WASF3: variants seen among roughly 807,000 people sequenced by gnomAD.
WASF3 encodes the protein actin-binding protein WASF3.
A neutral mutation model predicts 46.6 loss-of-function variants in WASF3; 11 were observed. The observed-to-expected ratio is 0.24, with a 90% CI of 0.15 to 0.39. The LOEUF is 0.39. WASF3 is among the 10% of genes least tolerant of loss of function. WASF3 has a pLI of 1.00. For missense variants in WASF3, 576 were observed against 669.8 expected (o/e 0.86, Z 1.55); for synonymous variants, 242 against 259.7 (o/e 0.93, Z 0.65).
the WASF3 span, among the ~76,000 whole-genome samples, chr13:26,546,856 T>C: frequency 6.6e-6 from 1 of 152,224 alleles, no homozygotes; most frequent in Non-Finnish European, 1.5e-5. Context: ...GAAGCCCACA[T>C]TGCAAAGAGG....
At chr13:26,683,098 G>A (rs1454524166) in intron 9 of WASF3, 124 bp downstream of exon 9, 1 of 1,346,058 alleles carries the variant, frequency 7.4e-7, no homozygotes, top group Non-Finnish European at 9.9e-7. Flanking sequence ...AGAGTTAAAG[G>A]GGTCTTACTT....
intron 3 of WASF3, among the ~76,000 whole-genome samples, chr13:26,654,907 C>T (rs1882423631): frequency 4.6e-5 from 7 of 151,958 alleles, no homozygotes; most frequent in Admixed American, 3.9e-4. Flanking sequence ...AACTTTAAGC[C>T]CAATATTATG....
chr13:26,663,578 G>A (rs1882692007), intron 3 of WASF3, among the ~76,000 whole-genome samples: 1 of 152,032 alleles, frequency 6.6e-6, no homozygotes, highest in Admixed American at 6.6e-5. Flanking sequence ...CTCCTTTTTT[G>A]GTGGGGGATG....
At chr13:26,587,544 T>C (rs1258096846) in intron 1 of WASF3, among the ~76,000 whole-genome samples, 2 of 152,240 alleles carry the variant, frequency 1.3e-5, no homozygotes, top group African/African-American at 4.8e-5. Context: ...TGATTGTATC[T>C]TCAGCACAAT....
At chr13:26,634,476 G>A (rs1417421113) in intron 2 of WASF3, among the ~76,000 whole-genome samples, 1 of 152,134 alleles carries the variant, frequency 6.6e-6, no homozygotes, top group Non-Finnish European at 1.5e-5. Context: ...GGGGCATTTA[G>A]CCCATTTACA....
chr13:26,663,923 C>G (rs556562864), intron 3 of WASF3, among the ~76,000 whole-genome samples: 1 of 152,182 alleles, frequency 6.6e-6, no homozygotes, highest in South Asian at 2.1e-4. Context: ...GGACGGATCA[C>G]CTTTCTGATC....
chr13:26,552,459 A>G, the WASF3 span, among the ~76,000 whole-genome samples: 2 of 152,232 alleles, frequency 1.3e-5, no homozygotes, highest in Non-Finnish European at 2.9e-5. Context: ...TTTGAGACGT[A>G]GATATGGATA....
chr13:26,662,415 G>C (rs967788431), intron 3 of WASF3, among the ~76,000 whole-genome samples: 5 of 152,234 alleles, frequency 3.3e-5, no homozygotes, highest in African/African-American at 1.2e-4. Flanking sequence ...GTACCTATCA[G>C]TGGTGGATTG....
At chr13:26,591,425 A>T (rs1211979333) in intron 1 of WASF3, among the ~76,000 whole-genome samples, 1 of 152,048 alleles carries the variant, frequency 6.6e-6, no homozygotes, top group Non-Finnish European at 1.5e-5. Context: ...TGGGGGAAGC[A>T]GTAGGATTTT....
At chr13:26,589,096 G>A (rs1368209026) in intron 1 of WASF3, among the ~76,000 whole-genome samples, 1 of 152,134 alleles carries the variant, frequency 6.6e-6, no homozygotes, top group African/African-American at 2.4e-5. Flanking sequence ...GCCTGGCCCT[G>A]TATTTCTTTA....
intron 1 of WASF3, among the ~76,000 whole-genome samples, chr13:26,607,762 A>T (rs539532142): frequency 6.6e-6 from 1 of 151,912 alleles, no homozygotes; most frequent in African/African-American, 2.4e-5. Flanking sequence ...CAGCCTTCTG[A>T]GTAGGTGGAA....
At chr13:26,622,123 C>G (rs1479175244) in intron 2 of WASF3, among the ~76,000 whole-genome samples, 1 of 152,114 alleles carries the variant, frequency 6.6e-6, no homozygotes, top group East Asian at 1.9e-4. Context: ...TAGTCTGTGC[C>G]ACATGTTTTA....
At chr13:26,672,101 T>C (rs1882940217) in intron 6 of WASF3, 112 bp downstream of exon 6, 2 of 811,806 alleles carry the variant, frequency 2.5e-6, no homozygotes, top group Non-Finnish European at 3.9e-6. Flanking sequence ...CTGAAGTTTT[T>C]TTAGAGGTTG....
At position 26,575,330 on chromosome 13, in the gene WASF3, A is replaced by G. The variant is rs76153115; in HGVS notation, c.-109+17511A>G. Reference sequence around the variant, plus strand: ...TTTTCAGGACATATACAGTTTATGTATCATTTTTCTGTCTTGTTTTTATTC... The same window carrying G: ...TTTTCAGGACATATACAGTTTATGTGTCATTTTTCTGTCTTGTTTTTATTC... On this transcript the variant is annotated intron_variant, in intron 1 of 9. Transcript: ENST00000335327. Among the ~76,000 whole-genome samples, 798 of 151,868 alleles carry G rather than the reference A, an allele frequency of 5.3e-3. 11 individuals are homozygous for G. Among genetic ancestry groups the G allele is most frequent in the African/African-American group, 0.018 (763 of 41,396 alleles).
chr13:26,552,725 C>T (rs1264738815), upstream of WASF3, among the ~76,000 whole-genome samples: 1 of 152,218 alleles, frequency 6.6e-6, no homozygotes, highest in Non-Finnish European at 1.5e-5. Flanking sequence ...TTAGTAACCA[C>T]TCTTTGTTCT....
At position 26,682,715 on chromosome 13, in the gene WASF3, G is replaced by C; in HGVS notation, c.1092G>C (p.Gln364His). Residue 364 changes from glutamine to histidine, a missense_variant, in exon 9 of 10, where the codon CAG (glutamine) becomes CAC (histidine). Physicochemically the swap from Gln to His is conservative, Grantham distance 24. This residue lies in a region of WASF3 where 295 missense variants were observed against 291.5 expected (regional missense o/e 1.01). Transcript: ENST00000335327. This position sits in a 1 kb window ranked among gnomAD's most constrained non-coding sequence, Gnocchi z 4.4. ...SAQTAFVSPL[Q>H]MPMQPPFPAS... The stretch of plus-strand genomic sequence containing the variant: ...AAACTGCCTTCGTCAGCCCTCTCCA[G>C]ATGCCCATGCAGCCCCCGTTCCCTG... 1 of 1,613,996 alleles carries C rather than the reference G, an allele frequency of 6.2e-7. No individual in the cohort carries two copies. Among genetic ancestry groups the C allele is most frequent in the African/African-American group, 1.3e-5 (1 of 75,020 alleles).
At chr13:26,580,750 C>G (rs753915062) in intron 1 of WASF3, among the ~76,000 whole-genome samples, 1 of 151,070 alleles carries the variant, frequency 6.6e-6, no homozygotes, top group Non-Finnish European at 1.5e-5. Flanking sequence ...CTCAGCCTCC[C>G]GAGTAGCTGG....
rs999323681 is a variant in WASF3 at position 26,627,248 on chromosome 13, C to T, written c.-11+14190C>T. On this transcript the variant is annotated intron_variant, in intron 2 of 9. Coordinates refer to ENST00000335327, the MANE Select transcript of WASF3 (RefSeq NM_006646.6). ...TATAAAATTAATTAAAATTATATTA[C>T]TATCAACATCTTATACTATACTTTT... Among the ~76,000 whole-genome samples the T allele has an allele frequency of 2.0e-5, 3 of 148,966 alleles. No homozygotes were observed. The Admixed American group carries it at 2.0e-4, about 10-fold the overall frequency.
chr13:26,569,668 C>G (rs1457231015), intron 1 of WASF3, among the ~76,000 whole-genome samples: 1 of 152,068 alleles, frequency 6.6e-6, no homozygotes, highest in Non-Finnish European at 1.5e-5. Flanking sequence ...TAGAAAGGAA[C>G]AGCATACTAA....
Sources: allele counts gnomAD v4.1 joint callset (sites outside exome capture counted in the v4.1 genomes callset), GRCh38; gene constraint gnomAD v4.1.1; regional missense constraint gnomAD v4.1.1; non-coding constraint Gnocchi (gnomAD v3.1); transcripts MANE v1.5; gene names NCBI Gene and HGNC (gene_info 2026-07-23, HGNC 2026-07-21).